GPR39: variants seen among roughly 807,000 people sequenced by gnomAD.
GPR39 encodes G protein-coupled receptor 39, also known as zinc sensing receptor.
In GPR39, 23 loss-of-function variants were observed where a neutral mutation model predicts 18.4. The observed-to-expected ratio is 1.25, with a 90% CI of 0.90 to 1.77. The LOEUF (loss-of-function observed/expected upper bound fraction) is 1.77. Among genes scored for constraint, GPR39 ranks in the 40% most tolerant of loss-of-function variants. GPR39 has a pLI of 0.00. For synonymous variants in GPR39, 280 were observed against 257.9 expected, an observed-to-expected ratio of 1.09 and a Z score of -0.82; for missense variants, 647 against 602.4, an observed-to-expected ratio of 1.07 and a Z score of -0.78.
At chr2:132,598,431 C>CTT (rs34104835) in intron 1 of GPR39, among the ~76,000 whole-genome samples, 25,027 of 90,164 alleles carry the variant, frequency 0.28, 3,696 homozygotes, top group East Asian at 0.61. Context: ...CTAAGGTGAA[C>CTT]TTTTTTTTTT....
intron 1 of GPR39, among the ~76,000 whole-genome samples, chr2:132,469,965 G>A (rs1392844513): frequency 6.6e-6 from 1 of 152,230 alleles, no homozygotes; most frequent in Non-Finnish European, 1.5e-5. Context: ...AGTCTGTGAA[G>A]TTCAGAGAAT....
At chr2:132,437,218 C>T (rs569796835) in intron 1 of GPR39, among the ~76,000 whole-genome samples, 2 of 152,286 alleles carry the variant, frequency 1.3e-5, no homozygotes, top group South Asian at 2.1e-4. Flanking sequence ...TTTCACTGAA[C>T]GATATTCACC....
chr2:132,526,891 C>G (rs4430996), intron 1 of GPR39, among the ~76,000 whole-genome samples: 4,162 of 152,232 alleles, frequency 0.027, 97 homozygotes, highest in Non-Finnish European at 0.046. Context: ...AAATAATGTG[C>G]TAGACCCTTT....
At chr2:132,533,215 A>G (rs1679675234) in intron 1 of GPR39, among the ~76,000 whole-genome samples, 2 of 152,168 alleles carry the variant, frequency 1.3e-5, no homozygotes, top group South Asian at 4.1e-4. Flanking sequence ...ACAAACAGAG[A>G]GCCAAATCAT....
intron 1 of GPR39, among the ~76,000 whole-genome samples, chr2:132,599,273 T>G (rs781312252): frequency 1.2e-4 from 19 of 152,302 alleles, no homozygotes; most frequent in Middle Eastern, 3.4e-3. Flanking sequence ...GAAACATCTA[T>G]TTGTCTTTCA....
chr2:132,583,741 T>C (rs1373606323), intron 1 of GPR39, among the ~76,000 whole-genome samples: 1 of 151,234 alleles, frequency 6.6e-6, no homozygotes, highest in East Asian at 2.0e-4. Flanking sequence ...ACTTGGCCTC[T>C]GAGGGCTAGA....
At chr2:132,535,695 CTTT>C (rs753801511) in intron 1 of GPR39, among the ~76,000 whole-genome samples, 50 of 96,436 alleles carry the variant, frequency 5.2e-4, no homozygotes, top group East Asian at 2.5e-3. Context: ...TGGTCCTGGG[CTTT>C]TTTTTTTTGG....
At chr2:132,546,807 C>A (rs80194725) in intron 1 of GPR39, among the ~76,000 whole-genome samples, 139 of 117,952 alleles carry the variant, frequency 1.2e-3, no homozygotes, top group East Asian at 0.012. Context: ...CATTTGAGAG[C>A]TGTTGTTCTC....
intron 1 of GPR39, among the ~76,000 whole-genome samples, chr2:132,536,156 T>A (rs1679755171): frequency 6.6e-6 from 1 of 152,198 alleles, no homozygotes; most frequent in Non-Finnish European, 1.5e-5. Context: ...CTTTTAATTG[T>A]GATGTTAGGG....
intron 1 of GPR39, among the ~76,000 whole-genome samples, chr2:132,595,340 G>C (rs1680919514): frequency 6.6e-6 from 1 of 150,722 alleles, no homozygotes; most frequent in Non-Finnish European, 1.5e-5. Flanking sequence ...CAGGTGGGCG[G>C]TAATACTTGT....
chr2:132,420,589 T>A (rs990469609), intron 1 of GPR39, among the ~76,000 whole-genome samples: 1 of 152,232 alleles, frequency 6.6e-6, no homozygotes, highest in African/African-American at 2.4e-5. Context: ...ATTTCAAACA[T>A]TTTAAATTTA....
At chr2:132,642,519 G>C (rs1410965663) in intron 1 of GPR39, among the ~76,000 whole-genome samples, 28 of 152,182 alleles carry the variant, frequency 1.8e-4, no homozygotes, top group Admixed American at 1.8e-3. Context: ...GTTGACACCA[G>C]GCCAGTGCAT....
At chr2:132,485,758 A>G (rs1292743318) in intron 1 of GPR39, among the ~76,000 whole-genome samples, 11 of 152,276 alleles carry the variant, frequency 7.2e-5, no homozygotes, top group Non-Finnish European at 1.3e-4. Flanking sequence ...CATATATGCT[A>G]TTATTTCTTC....
intron 1 of GPR39, among the ~76,000 whole-genome samples, chr2:132,641,872 A>C (rs75771351): frequency 0.015 from 2,281 of 152,344 alleles, 60 homozygotes; most frequent in African/African-American, 0.052. Context: ...TCAAACTGAA[A>C]GTATGAATAG....
intron 1 of GPR39, among the ~76,000 whole-genome samples, chr2:132,575,384 A>C (rs919396655): frequency 6.6e-6 from 1 of 152,228 alleles, no homozygotes; most frequent in Non-Finnish European, 1.5e-5. Context: ...GAAATAAGAG[A>C]TCCCTCACAC....
intron 1 of GPR39, among the ~76,000 whole-genome samples, chr2:132,607,205 G>A (rs1681156286): frequency 6.6e-6 from 1 of 152,180 alleles, no homozygotes; most frequent in African/African-American, 2.4e-5. Flanking sequence ...TGAGTGACAG[G>A]AATTGCAAAA....
intron 1 of GPR39, among the ~76,000 whole-genome samples, chr2:132,462,495 GC>G (rs1468838990): frequency 6.6e-6 from 1 of 152,144 alleles, no homozygotes; most frequent in African/African-American, 2.4e-5. Flanking sequence ...GCCATTCAAG[GC>G]CCTCCTGATT....
chr2:132,632,854 A>G (rs570097191), intron 1 of GPR39, among the ~76,000 whole-genome samples: 1 of 152,306 alleles, frequency 6.6e-6, no homozygotes, highest in East Asian at 1.9e-4. Context: ...ATGAGCTGCC[A>G]TTGATCACTG....
At chr2:132,537,849 T>C (rs910267061) in intron 1 of GPR39, among the ~76,000 whole-genome samples, 2 of 152,014 alleles carry the variant, frequency 1.3e-5, no homozygotes, top group African/African-American at 4.8e-5. Context: ...CTATTGATTC[T>C]TGTGTATGCT....
Sources: gnomAD v4.1 joint callset for allele counts (sites outside exome capture counted in the v4.1 genomes callset) on GRCh38, gnomAD v4.1.1 for gene constraint, MANE v1.5 for transcripts, NCBI Gene and HGNC (gene_info 2026-07-23, HGNC 2026-07-21) for gene names.